Variants in SLC4A4 observed in about 807,000 individuals in gnomAD.
SLC4A4 encodes electrogenic sodium bicarbonate cotransporter 1.
SLC4A4 carries 27 observed loss-of-function variants against 111.5 expected under a neutral mutation model. The observed-to-expected ratio is 0.24, with a 90% CI of 0.18 to 0.33. The LOEUF (loss-of-function observed/expected upper bound fraction) is 0.33. SLC4A4 is among the 10% of genes least tolerant of loss of function. The probability of loss-of-function intolerance (pLI) is 1.00; values close to 1 mark genes in which losing one functional copy is unlikely to be tolerated. For synonymous variants in SLC4A4, 443 were observed against 463.4 expected (o/e 0.96, Z 0.57); for missense variants, 909 against 1,315.5 (o/e 0.69, Z 4.78).
intron 1 of SLC4A4, among the ~76,000 whole-genome samples, chr4:71,073,514 T>G (rs938812116): frequency 5.3e-5 from 8 of 152,166 alleles, no homozygotes; most frequent in Non-Finnish European, 1.2e-4. Flanking sequence ...ACCTTTTCAG[T>G]GAGACCTTCC....
intron 3 of SLC4A4, among the ~76,000 whole-genome samples, chr4:71,266,372 G>C (rs1026605616): frequency 6.6e-6 from 1 of 152,148 alleles, no homozygotes; most frequent in South Asian, 2.1e-4. Flanking sequence ...AGAGTGGCTT[G>C]CTTCCTTGAA....
chr4:71,540,158 C>G (rs116316664), intron 18 of SLC4A4, among the ~76,000 whole-genome samples: 179 of 152,308 alleles, frequency 1.2e-3, no homozygotes, highest in African/African-American at 4.1e-3. Flanking sequence ...GGAACCATGT[C>G]ATGGCTCTTA....
chr4:71,063,623 T>C (rs775146548), intron 1 of SLC4A4, among the ~76,000 whole-genome samples: 1 of 152,144 alleles, frequency 6.6e-6, no homozygotes, highest in Non-Finnish European at 1.5e-5. Context: ...CCAGCCCTAT[T>C]TCAAGCTATA....
chr4:71,303,477 C>T (rs900330927), intron 3 of SLC4A4, among the ~76,000 whole-genome samples: 2 of 152,280 alleles, frequency 1.3e-5, no homozygotes, highest in Middle Eastern at 6.8e-3. Flanking sequence ...TGGACCTCCT[C>T]TTGAAAAACA....
chr4:71,494,536 A>G (rs1730225767), intron 15 of SLC4A4, among the ~76,000 whole-genome samples: 1 of 151,942 alleles, frequency 6.6e-6, no homozygotes, highest in Admixed American at 6.6e-5. Flanking sequence ...GCTAGTCTCA[A>G]ATTCCTGGTT....
chr4:71,265,410 A>G (rs1344646240), intron 3 of SLC4A4, among the ~76,000 whole-genome samples: 1 of 152,162 alleles, frequency 6.6e-6, no homozygotes, highest in Non-Finnish European at 1.5e-5. Context: ...TGATTTCTGT[A>G]TTTTGGCCAG....
At chr4:71,134,425 T>C (rs1743790950) in intron 2 of SLC4A4, among the ~76,000 whole-genome samples, 1 of 152,234 alleles carries the variant, frequency 6.6e-6, no homozygotes, top group Admixed American at 6.5e-5. Flanking sequence ...TAAGGCTTGT[T>C]GTCTACACCA....
At chr4:71,270,278 C>CG in intron 3 of SLC4A4, among the ~76,000 whole-genome samples, 1 of 152,096 alleles carries the variant, frequency 6.6e-6, no homozygotes, top group African/African-American at 2.4e-5. Flanking sequence ...TTAGTAGGGG[C>CG]GGGGTTTCAC....
At chr4:71,197,070 C>G (rs188118797) in intron 1 of SLC4A4, among the ~76,000 whole-genome samples, 1 of 151,528 alleles carries the variant, frequency 6.6e-6, no homozygotes, top group African/African-American at 2.4e-5. Flanking sequence ...CAAAAATTAC[C>G]CAGGCATGGT....
chr4:71,130,582 T>G (rs1743675573), intron 2 of SLC4A4, among the ~76,000 whole-genome samples: 2 of 152,178 alleles, frequency 1.3e-5, no homozygotes, highest in Non-Finnish European at 2.9e-5. Context: ...AATATGCTCT[T>G]AGCACTTAGT....
At chr4:71,195,692 C>G (rs929154928) in intron 1 of SLC4A4, among the ~76,000 whole-genome samples, 13 of 152,158 alleles carry the variant, frequency 8.5e-5, no homozygotes, top group Admixed American at 6.5e-4. Flanking sequence ...TTATTTAAAG[C>G]TGGAAGCAAG....
intron 15 of SLC4A4, among the ~76,000 whole-genome samples, chr4:71,494,816 AG>A (rs1461408682): frequency 6.6e-6 from 1 of 152,014 alleles, no homozygotes; most frequent in Non-Finnish European, 1.5e-5. Flanking sequence ...CAGTGGTCAT[AG>A]GTAAGTTTGT....
At chr4:71,116,776 TCTA>T (rs1201171612) in intron 2 of SLC4A4, among the ~76,000 whole-genome samples, 1 of 152,094 alleles carries the variant, frequency 6.6e-6, no homozygotes, top group Non-Finnish European at 1.5e-5. Context: ...AAATCCTGTC[TCTA>T]CAAAAAATAC....
intron 2 of SLC4A4, among the ~76,000 whole-genome samples, chr4:71,165,415 A>G (rs769954906): frequency 1.3e-5 from 2 of 152,216 alleles, no homozygotes; most frequent in Admixed American, 1.3e-4. Context: ...GACATGTATG[A>G]AGCTGGAAAC....
At chr4:71,127,510 T>C (rs1321040319) in intron 2 of SLC4A4, among the ~76,000 whole-genome samples, 1 of 152,186 alleles carries the variant, frequency 6.6e-6, no homozygotes, top group Non-Finnish European at 1.5e-5. Context: ...TTAAAATAAA[T>C]ATGCCAGACT....
At chr4:71,275,059 C>T (rs1319646283) in intron 3 of SLC4A4, among the ~76,000 whole-genome samples, 1 of 152,024 alleles carries the variant, frequency 6.6e-6, no homozygotes, top group African/African-American at 2.4e-5. Flanking sequence ...GTCCTCAGCT[C>T]ATTCATAGGC....
At chr4:71,359,534 C>T (rs1052353002) in intron 6 of SLC4A4, among the ~76,000 whole-genome samples, 13 of 152,074 alleles carry the variant, frequency 8.5e-5, no homozygotes, top group Non-Finnish European at 1.8e-4. Context: ...TAGAGGTGCT[C>T]GTTATTAACT....
intron 19 of SLC4A4, among the ~76,000 whole-genome samples, chr4:71,546,991 G>A (rs565899600): frequency 1.3e-5 from 2 of 152,046 alleles, no homozygotes; most frequent in Admixed American, 6.6e-5. Context: ...TGAAGGGCAG[G>A]AGTAGAAGGT....
chr4:71,287,419 C>G (rs1157786457), intron 3 of SLC4A4, among the ~76,000 whole-genome samples: 1 of 152,198 alleles, frequency 6.6e-6, no homozygotes, highest in Admixed American at 6.5e-5. Context: ...AGCCATTCTT[C>G]TTGAAGAAGC....
Sources: gnomAD v4.1 joint callset for allele counts (sites outside exome capture counted in the v4.1 genomes callset) on GRCh38, gnomAD v4.1.1 for gene constraint, MANE v1.5 for transcripts, NCBI Gene and HGNC (gene_info 2026-07-23, HGNC 2026-07-21) for gene names.